Variants in ASTN1 observed in about 807,000 individuals in gnomAD.
ASTN1 encodes astrotactin 1.
ASTN1 carries 41 observed loss-of-function variants against 140.7 expected under a neutral mutation model. That is an observed-to-expected ratio of 0.29 (90% CI 0.23 to 0.38). The LOEUF is 0.38. ASTN1 is among the 10% of genes least tolerant of loss of function. The pLI is 1.00. For missense variants in ASTN1, 1,479 were observed against 1,678.8 expected (o/e 0.88, Z 2.08); for synonymous variants, 640 against 652.2 (o/e 0.98, Z 0.29).
Position 176,992,460 on chromosome 1 carries a change from A to C in ASTN1, c.1523+22331T>G, listed in dbSNP as rs1674231691. On this transcript the variant is annotated intron_variant, in intron 8 of 22. Coordinates refer to ENST00000361833, the MANE Select transcript of ASTN1 (RefSeq NM_004319.3). ...ACGTTGTAAAAAAAAATGAGTTGAG[A>C]GACAATGAGAATTCTGCTTCTAAAC... is the stretch of plus-strand genomic sequence containing the variant. 2.0e-5 allele frequency among the ~76,000 whole-genome samples: 3 copies of C among 152,068 alleles called. No individual in the cohort carries two copies. The South Asian group carries it at 6.2e-4, about 32-fold the overall frequency.
chr1:176,993,189 G>C (rs1411085425), intron 8 of ASTN1, among the ~76,000 whole-genome samples: 22 of 152,194 alleles, frequency 1.4e-4, no homozygotes, highest in Admixed American at 1.4e-3. Context: ...TTTGTTATGG[G>C]CAGGCTGAGC....
chr1:176,987,890 T>C (rs1408940989), intron 8 of ASTN1, among the ~76,000 whole-genome samples: 1 of 152,142 alleles, frequency 6.6e-6, no homozygotes, highest in East Asian at 1.9e-4. Context: ...CAAAGAGGAT[T>C]TGGCAACTAA....
downstream of ASTN1, among the ~76,000 whole-genome samples, chr1:176,858,089 T>C (rs554168918): frequency 2.0e-5 from 3 of 152,186 alleles, no homozygotes; most frequent in South Asian, 6.2e-4. Flanking sequence ...TGTACTCCCA[T>C]GTGAGCAAGC....
intron 2 of ASTN1, among the ~76,000 whole-genome samples, chr1:177,059,017 A>G (rs1005015968): frequency 2.0e-5 from 3 of 152,144 alleles, no homozygotes; most frequent in Non-Finnish European, 2.9e-5. Context: ...CCCTTCTGAC[A>G]TATTGTTTGT....
intron 2 of ASTN1, among the ~76,000 whole-genome samples, chr1:177,048,051 T>C (rs1326605520): frequency 4.6e-5 from 7 of 152,304 alleles, no homozygotes; most frequent in South Asian, 4.1e-4. Context: ...CAGGAATATC[T>C]ACATGGCCCA....
chr1:176,987,096 A>C (rs1417974289), intron 8 of ASTN1, among the ~76,000 whole-genome samples: 1 of 152,152 alleles, frequency 6.6e-6, no homozygotes, highest in Admixed American at 6.5e-5. Flanking sequence ...ACTGCCAAAC[A>C]CCTATAAGGC....
intron 1 of ASTN1, among the ~76,000 whole-genome samples, chr1:177,156,251 C>A (rs1447479913): frequency 1.4e-5 from 2 of 145,410 alleles, no homozygotes; most frequent in African/African-American, 5.3e-5. Flanking sequence ...GCGTGGGCAA[C>A]AAGGTGAGAC....
At chr1:176,904,953 G>A (rs937357053) in intron 16 of ASTN1, among the ~76,000 whole-genome samples, 1 of 152,194 alleles carries the variant, frequency 6.6e-6, no homozygotes, top group Admixed American at 6.5e-5. Context: ...AATAGGGAGT[G>A]CACATGAGTC....
At chr1:176,858,740 G>A (rs886194865), downstream of ASTN1, among the ~76,000 whole-genome samples, 1 of 152,174 alleles carries the variant, frequency 6.6e-6, no homozygotes, top group African/African-American at 2.4e-5. Flanking sequence ...GCATTACTGG[G>A]TTTGCACTGG....
chr1:176,898,101 C>G (rs967418317), intron 16 of ASTN1, among the ~76,000 whole-genome samples: 30 of 152,236 alleles, frequency 2.0e-4, no homozygotes, highest in African/African-American at 7.2e-4. Flanking sequence ...TGTTTTCTGG[C>G]GATCCCAATT....
chr1:177,050,073 G>A (rs536232702), intron 2 of ASTN1, among the ~76,000 whole-genome samples: 14 of 152,302 alleles, frequency 9.2e-5, no homozygotes, highest in African/African-American at 3.4e-4. Flanking sequence ...TTTACCTCAC[G>A]TAAGAATGTA....
At chr1:176,947,016 C>T (rs1443736310) in intron 12 of ASTN1, among the ~76,000 whole-genome samples, 1 of 152,170 alleles carries the variant, frequency 6.6e-6, no homozygotes, top group Non-Finnish European at 1.5e-5. Flanking sequence ...GATATTAAAG[C>T]ACATCATTTA....
intron 16 of ASTN1, among the ~76,000 whole-genome samples, chr1:176,906,335 A>G (rs1399339348): frequency 6.6e-6 from 1 of 152,194 alleles, no homozygotes; most frequent in Admixed American, 6.5e-5. Context: ...CCAAAGAGAG[A>G]AATGATGAGA....
rs193265097 is a variant in ASTN1 at position 177,154,788 on chromosome 1, C to A, written c.283+9606G>T. 2.6e-5 allele frequency among the ~76,000 whole-genome samples: 4 copies of A among 152,064 alleles called. No homozygotes were observed. The East Asian group carries it at 5.8e-4, about 22-fold the overall frequency. On this transcript the variant is annotated intron_variant, in intron 1 of 22. Transcript: ENST00000361833. ...AGCAAATAGGCAAATCAATAAACGA[C>A]TGGAAGGAGTAAGGGCTTTCAGAGA...
At chr1:177,061,311 C>A (rs199601133) in intron 1 of ASTN1, 46 bp from the exon 2 acceptor site, 2 of 1,419,904 alleles carry the variant, frequency 1.4e-6, no homozygotes, top group East Asian at 5.2e-5. Flanking sequence ...AGGATGGGAC[C>A]AAGTTTTTCA....
chr1:176,862,397 G>C lies in ASTN1; in HGVS notation c.*1887C>G. 1 of 985,446 alleles carries C rather than the reference G, an allele frequency of 1.0e-6. No individual in the cohort carries two copies. Among genetic ancestry groups the C allele is most frequent in the Non-Finnish European group, 1.2e-6 (1 of 829,998 alleles). 61.0% of individuals were successfully genotyped at this position (985,446 alleles called of 1,614,324 possible). On this transcript the variant is annotated 3_prime_UTR_variant, in exon 23 of 23. Transcript: ENST00000361833. Reference sequence around the variant, plus strand: ...GTGCAGTGGAACTAGGGGTCCCAAGGGTGCTCTAGCTCCAAAGGCTAAGGG... The same window carrying C: ...GTGCAGTGGAACTAGGGGTCCCAAGCGTGCTCTAGCTCCAAAGGCTAAGGG...
chr1:176,952,320 G>A (rs1171681227), intron 11 of ASTN1, among the ~76,000 whole-genome samples: 2 of 150,626 alleles, frequency 1.3e-5, no homozygotes, highest in African/African-American at 2.4e-5. Context: ...CACACATGAA[G>A]TACCAAAATA....
At chr1:176,986,159 C>T (rs1673896226) in intron 8 of ASTN1, among the ~76,000 whole-genome samples, 1 of 152,174 alleles carries the variant, frequency 6.6e-6, no homozygotes, top group Non-Finnish European at 1.5e-5. Flanking sequence ...GCCCATTTCT[C>T]TTCACAACAT....
chr1:177,043,010 A>G (rs1000178693), intron 2 of ASTN1, among the ~76,000 whole-genome samples: 1 of 152,236 alleles, frequency 6.6e-6, no homozygotes, highest in Non-Finnish European at 1.5e-5. Context: ...CAACATTTTA[A>G]ACAATAATTT....
Sources: allele counts gnomAD v4.1 joint callset (sites outside exome capture counted in the v4.1 genomes callset), GRCh38; gene constraint gnomAD v4.1.1; transcripts MANE v1.5; gene names NCBI Gene and HGNC (gene_info 2026-07-23, HGNC 2026-07-21).